SMARCB1: variants seen among roughly 807,000 people sequenced by gnomAD.
The protein encoded by SMARCB1 is SWI/SNF-related matrix-associated actin-dependent regulator of chromatin subfamily B member 1.
In SMARCB1, 5 loss-of-function variants were observed where a neutral mutation model predicts 49.0. That is an observed-to-expected ratio of 0.10 (90% CI 0.05 to 0.21). The LOEUF (loss-of-function observed/expected upper bound fraction) is 0.21. SMARCB1 is among the 10% of genes least tolerant of loss of function. SMARCB1 has a pLI of 1.00. For missense variants in SMARCB1, 226 were observed against 509.2 expected, an observed-to-expected ratio of 0.44 and a Z score of 5.35; for synonymous variants, 201 against 200.1, an observed-to-expected ratio of 1.00 and a Z score of -0.04.
chr22:23,803,042 T>TTGTTCCAACACCCAG (rs1022845647), intron 4 of SMARCB1: 7 of 575,908 alleles, frequency 1.2e-5, no homozygotes, highest in Non-Finnish European at 2.2e-5. Context: ...TGTCTGGGTG[T>TTGTTCCAACACCCAG]TGTTCCAACA....
Position 23,793,572 on chromosome 22 carries a change from G to A in SMARCB1, c.246G>A (p.Thr82=), listed in dbSNP as rs367881615. 9 of 1,614,068 alleles carry A rather than the reference G, an allele frequency of 5.6e-6. No homozygotes were observed. Among genetic ancestry groups the A allele is most frequent in the South Asian group, 2.2e-5 (2 of 91,084 alleles). The change falls in exon 3 of 9, where the codon ACG becomes ACA. Residue 82 remains threonine (T), a synonymous_variant. Coordinates refer to ENST00000644036, the MANE Select transcript of SMARCB1 (RefSeq NM_003073.5). ...TKPNTKDHGY[T]TLATSVTLLK... is the part of the protein sequence containing the mutation. Reference sequence around the variant, plus strand: ...TGTCTGTTACAGATCACGGATACACGACTCTAGCCACCAGTGTGACCCTGT... The same window carrying A: ...TGTCTGTTACAGATCACGGATACACAACTCTAGCCACCAGTGTGACCCTGT...
intron 5 of SMARCB1, among the ~76,000 whole-genome samples, chr22:23,814,079 C>A (rs1930036638): frequency 6.6e-6 from 1 of 152,180 alleles, no homozygotes. Flanking sequence ...GTCCGCCTGT[C>A]TCAGCCTCCC....
At position 23,835,687 on chromosome 22, in the gene SMARCB1, C is replaced by T; in HGVS notation, c.*1507C>T. On this transcript the variant is annotated 3_prime_UTR_variant, in exon 9 of 9. Transcript: ENST00000644036. ...GATTCCCAGCCCAGCTGCTCTTAGA[C>T]ATGAACAGGTTTCATTGCTGAGGTG... The T allele has an allele frequency of 1.0e-6, 1 of 985,542 alleles. No individual in the cohort carries two copies. Among genetic ancestry groups the T allele is most frequent in the Non-Finnish European group, 1.2e-6 (1 of 829,968 alleles). The allele number at this position is 985,542 out of a possible 1,614,324, so 61.0% of individuals were successfully genotyped here.
At chr22:23,793,246 G>A (rs1051247752) in intron 2 of SMARCB1, 2 of 435,198 alleles carry the variant, frequency 4.6e-6, no homozygotes, top group South Asian at 4.1e-5. Context: ...CTGGAGTCGA[G>A]TGTCCCCGCT....
chr22:23,835,473 T>G lies in SMARCB1; in HGVS notation c.*1293T>G, dbSNP rs752250534. The G allele has an allele frequency of 5.1e-6, 5 of 985,776 alleles. No individual in the cohort carries two copies. The highest frequency in any genetic ancestry group is 6.0e-6 in the Non-Finnish European group (5 of 830,216). The allele number at this position is 985,776 out of a possible 1,614,324, so 61.1% of individuals were successfully genotyped here. A position where few individuals can be genotyped will look rare whatever the true frequency, so the allele number is the denominator to read the frequency against. On this transcript the variant is annotated 3_prime_UTR_variant, in exon 9 of 9. Coordinates refer to ENST00000644036, the MANE Select transcript of SMARCB1 (RefSeq NM_003073.5). Reference sequence around the variant, plus strand: ...TGTGGGGCAGAGGCAGAGCTCTGATTAGGGATTGGGGTTCTTGGTCGCTGA... The same window carrying G: ...TGTGGGGCAGAGGCAGAGCTCTGATGAGGGATTGGGGTTCTTGGTCGCTGA...
chr22:23,829,131 C>T (rs57746158), intron 7 of SMARCB1, among the ~76,000 whole-genome samples: 6,176 of 152,298 alleles, frequency 0.041, 360 homozygotes, highest in African/African-American at 0.12. Flanking sequence ...GTTACTGGCA[C>T]CTCCCCTGGG....
chr22:23,806,061 C>T (rs985711617), intron 5 of SMARCB1, among the ~76,000 whole-genome samples: 4 of 152,214 alleles, frequency 2.6e-5, no homozygotes, highest in Admixed American at 6.5e-5. Context: ...AGAGGGAGCT[C>T]GTACTCAGCT....
rs75238731 is a variant in SMARCB1, at chr22:23,817,591, G to A, written c.795+655G>A. On this transcript the variant is annotated intron_variant, in intron 6 of 8. Coordinates refer to ENST00000644036, the MANE Select transcript of SMARCB1 (RefSeq NM_003073.5). ...GCTTCCATTTTAGGAAAACATTGAT[G>A]TATAAAAATAAGAGCCATGTTACAA... 5.8e-3 allele frequency: 891 copies of A among 153,234 alleles called. 10 individuals are homozygous for A. The highest frequency in any genetic ancestry group is 0.021 in the African/African-American group (855 of 41,562). The allele number at this position is 153,234 out of a possible 1,614,324, so 9.5% of individuals were successfully genotyped here.
chr22:23,829,168 G>T, intron 7 of SMARCB1, among the ~76,000 whole-genome samples: 1 of 152,236 alleles, frequency 6.6e-6, no homozygotes, highest in East Asian at 1.9e-4. Flanking sequence ...GGCCAGGGAC[G>T]GGAGGAGACA....
At chr22:23,803,210 C>A in intron 4 of SMARCB1, 85 bp from the exon 5 acceptor site, 1 of 1,576,080 alleles carries the variant, frequency 6.3e-7, no homozygotes, top group South Asian at 1.1e-5. Flanking sequence ...TTTGCAGAAG[C>A]CTGCTGTGCA....
At chr22:23,790,155 T>C (rs908951226) in intron 1 of SMARCB1, among the ~76,000 whole-genome samples, 2 of 152,028 alleles carry the variant, frequency 1.3e-5, no homozygotes, top group African/African-American at 4.8e-5. Flanking sequence ...TTGGGGGGCA[T>C]CTAGGAGACT....
At chr22:23,810,599 A>C (rs56087407) in intron 5 of SMARCB1, among the ~76,000 whole-genome samples, 5,648 of 151,956 alleles carry the variant, frequency 0.037, 309 homozygotes, top group African/African-American at 0.11. Context: ...GGAAGGAACA[A>C]AAGAAAGCAT....
In SMARCB1 at chr22:23,834,588, G is replaced by A. The variant is rs949785626; in HGVS notation, c.*408G>A. ...AGCCAGGAGTGGGGCCGGGGCCTGG[G>A]GGGACGAAGGTGGTATGTGAACAAG... On this transcript the variant is annotated 3_prime_UTR_variant, in exon 9 of 9. Transcript: ENST00000644036. 3.7e-5 allele frequency: 26 copies of A among 710,390 alleles called. No homozygotes were observed. Among genetic ancestry groups the A allele is most frequent in the South Asian group, 6.0e-5 (4 of 66,388 alleles). The allele number at this position is 710,390 out of a possible 1,614,324, so 44.0% of individuals were successfully genotyped here.
rs759000256 is a variant in SMARCB1, at chr22:23,837,694, A to G, written c.*3514A>G. 6.2e-7 allele frequency: 1 copy of G among 1,613,748 alleles called. No homozygotes were observed. Among genetic ancestry groups the G allele is most frequent in the African/African-American group, 1.3e-5 (1 of 74,930 alleles). ...CACGAGGATGGAGTTGCCCAGCAGC[A>G]GCGAGAAGCCCATGAGCGCCCAAGG... On this transcript the variant is annotated 3_prime_UTR_variant, in exon 9 of 9. Transcript: ENST00000644036.
rs779221331 is a variant in SMARCB1 at position 23,803,295 on chromosome 22, C to G, written c.501C>G (p.Cys167Trp). 4.3e-6 allele frequency: 7 copies of G among 1,614,186 alleles called. No homozygotes were observed. Among genetic ancestry groups the G allele is most frequent in the Non-Finnish European group, 5.9e-6 (7 of 1,180,048 alleles). Residue 167 changes from cysteine to tryptophan, a missense_variant and splice_region_variant, in exon 5 of 9, where the codon TGC becomes TGG. Around this residue, in one of 6 missense-constraint regions of SMARCB1, gnomAD observed 128 missense variants for 263.9 expected, o/e 0.49. Coordinates refer to ENST00000644036, the MANE Select transcript of SMARCB1 (RefSeq NM_003073.5). ...ACTGTTGCTTCCATTTCACTTTCAG[C>G]TTTGATGACCATGACCCAGCTGTGA... Reference protein sequence around the residue: ...GRDKKRTFPLCFDDHDPAVIH... With the variant: ...GRDKKRTFPLWFDDHDPAVIH...
intron 5 of SMARCB1, among the ~76,000 whole-genome samples, chr22:23,814,690 G>C (rs921140293): frequency 9.9e-5 from 15 of 150,786 alleles, no homozygotes; most frequent in African/African-American, 3.4e-4. Context: ...AACAAAAAAG[G>C]CTGGGCACAG....
intron 7 of SMARCB1, among the ~76,000 whole-genome samples, chr22:23,830,004 T>C (rs1188946409): frequency 6.6e-6 from 1 of 152,280 alleles, no homozygotes. Flanking sequence ...TTCTTTTTTA[T>C]GATTGAATAT....
In SMARCB1 at chr22:23,834,908, TG is replaced by T; in HGVS notation, c.*732del. On this transcript the variant is annotated 3_prime_UTR_variant, in exon 9 of 9. Coordinates refer to ENST00000644036, the MANE Select transcript of SMARCB1 (RefSeq NM_003073.5). The stretch of plus-strand genomic sequence containing the variant: ...TCCAGATGGTCAGGCTACTGCCAGC[TG>T]GGGCCTTGCTGCTCTGAAGTCCCCT... The T allele has an allele frequency of 6.2e-7, 1 of 1,611,420 alleles. No homozygotes were observed.
In SMARCB1 at chr22:23,822,605, AG is replaced by A. The variant is rs904465171; in HGVS notation, c.796-2618del. 9.2e-5 allele frequency among the ~76,000 whole-genome samples: 14 copies of A among 152,302 alleles called. No individual in the cohort carries two copies. The East Asian group carries it at 1.5e-3, about 17-fold the overall frequency. ...CTCTGTGGAAGCCAAGCCTGTCCAA[AG>A]GCCTCAGGGCCCTAACTGCTCTCTG... On this transcript the variant is annotated intron_variant, in intron 6 of 8. Transcript: ENST00000644036.
Sources: gnomAD v4.1 joint callset for allele counts (sites outside exome capture counted in the v4.1 genomes callset) on GRCh38, gnomAD v4.1.1 for gene constraint, gnomAD v4.1.1 regional missense constraint, MANE v1.5 for transcripts, NCBI Gene and HGNC (gene_info 2026-07-23, HGNC 2026-07-21) for gene names.